The following KLHL22 variants were observed in gnomAD, a reference collection of about 807,000 sequenced individuals.
KLHL22 encodes the protein kelch like family member 22.
KLHL22 carries 18 observed loss-of-function variants against 60.7 expected under a neutral mutation model. The ratio of observed to expected loss-of-function variants is 0.30; its 90% CI spans 0.20 to 0.44. The LOEUF is 0.44. KLHL22 is among the 20% of genes least tolerant of loss of function. KLHL22 has a pLI of 1.00. For missense variants in KLHL22, 596 were observed against 852.3 expected (o/e 0.70, Z 3.74); for synonymous variants, 355 against 354.5 (o/e 1.00, Z -0.01).
chr22:20,467,888 G>A (rs2053259910), intron 3 of KLHL22, among the ~76,000 whole-genome samples: 1 of 152,210 alleles, frequency 6.6e-6, no homozygotes, highest in Admixed American at 6.5e-5. Flanking sequence ...TCGATCTCCT[G>A]ACCTCGTGAT....
intron 2 of KLHL22, chr22:20,483,620 C>G (rs576259879): frequency 2.8e-6 from 2 of 726,324 alleles, no homozygotes; most frequent in South Asian, 2.7e-5. Flanking sequence ...ACTCTAAAGT[C>G]ATCAGCAGCA....
intron 5 of KLHL22, among the ~76,000 whole-genome samples, chr22:20,449,501 A>G (rs980879371): frequency 6.6e-6 from 1 of 151,436 alleles, no homozygotes; most frequent in Non-Finnish European, 1.5e-5. Flanking sequence ...CCCAGGTTCA[A>G]GCAATTCTCC....
intron 1 of KLHL22, among the ~76,000 whole-genome samples, chr22:20,490,269 C>T (rs953697491): frequency 6.6e-6 from 1 of 152,232 alleles, no homozygotes; most frequent in African/African-American, 2.4e-5. Flanking sequence ...GTTGGGGATA[C>T]ATTCTGAGAC....
At chr22:20,447,804 G>A (rs1275079933) in intron 5 of KLHL22, among the ~76,000 whole-genome samples, 2 of 152,190 alleles carry the variant, frequency 1.3e-5, no homozygotes, top group Non-Finnish European at 2.9e-5. Flanking sequence ...GCCTTCCAAA[G>A]TGCTAGGATT....
In KLHL22 at chr22:20,459,422, G is replaced by A. The variant is rs536565964; in HGVS notation, c.1113-1422C>T. 3.3e-5 allele frequency among the ~76,000 whole-genome samples: 5 copies of A among 152,316 alleles called. No homozygotes were observed. The East Asian group carries it at 5.8e-4, about 18-fold the overall frequency. On this transcript the variant is annotated intron_variant, in intron 4 of 6. Coordinates refer to ENST00000328879, the MANE Select transcript of KLHL22 (RefSeq NM_032775.4). ...ACACACACCTGGGTCTCCCTGACCT[G>A]GTGTGAATCCTGGGCTCTTCCCTGT...
intron 5 of KLHL22, chr22:20,450,277 C>T: frequency 1.0e-6 from 1 of 968,946 alleles, no homozygotes; most frequent in Non-Finnish European, 1.7e-6. Flanking sequence ...GTGCTGGCTG[C>T]CTGTAGTGAT....
chr22:20,445,628 G>A (rs890332965), intron 6 of KLHL22, among the ~76,000 whole-genome samples: 2 of 152,172 alleles, frequency 1.3e-5, no homozygotes, highest in African/African-American at 4.8e-5. Flanking sequence ...TGTCACCTAG[G>A]CTGGGGAACA....
chr22:20,445,909 A>G (rs769541156), intron 6 of KLHL22, among the ~76,000 whole-genome samples: 14 of 152,154 alleles, frequency 9.2e-5, no homozygotes, highest in Non-Finnish European at 2.1e-4. Flanking sequence ...GAGTACAGGC[A>G]TGCAACCACA....
intron 4 of KLHL22, among the ~76,000 whole-genome samples, chr22:20,461,550 C>CAAAAAAAAAAAAAAAAAAAAAAAAT: frequency 1.5e-5 from 1 of 64,770 alleles, no homozygotes; most frequent in Non-Finnish European, 2.7e-5. Flanking sequence ...GACTCCAACT[C>CAAAAAAAAAAAAAAAAAAAAAAAAT]AAAAAAAAAA....
intron 3 of KLHL22, among the ~76,000 whole-genome samples, chr22:20,466,562 C>T (rs181600540): frequency 6.6e-4 from 100 of 152,212 alleles, no homozygotes; most frequent in Non-Finnish European, 1.2e-3. Context: ...CTGGCTTTTT[C>T]CCCCGCCAGA....
At chr22:20,473,351 T>C (rs1478570046) in intron 2 of KLHL22, among the ~76,000 whole-genome samples, 1 of 152,130 alleles carries the variant, frequency 6.6e-6, no homozygotes, top group Non-Finnish European at 1.5e-5. Context: ...GACCCTTTAC[T>C]GATGGAAGAA....
chr22:20,458,762 C>T (rs1416106554), intron 4 of KLHL22, among the ~76,000 whole-genome samples: 1 of 152,118 alleles, frequency 6.6e-6, no homozygotes, highest in Non-Finnish European at 1.5e-5. Context: ...AACAGCCGCA[C>T]ACACAAGGCT....
chr22:20,456,951 C>T (rs868710736), intron 5 of KLHL22, among the ~76,000 whole-genome samples: 2 of 152,170 alleles, frequency 1.3e-5, no homozygotes, highest in African/African-American at 4.8e-5. Context: ...CTCAGGTGCT[C>T]GGTTATCCCC....
At chr22:20,445,366 C>T (rs1333096454) in intron 6 of KLHL22, among the ~76,000 whole-genome samples, 1 of 151,902 alleles carries the variant, frequency 6.6e-6, no homozygotes, top group Non-Finnish European at 1.5e-5. Flanking sequence ...CATCACCGCA[C>T]CTGGCTAATT....
At chr22:20,450,841 A>G (rs990871064) in intron 5 of KLHL22, 58 of 1,589,870 alleles carry the variant, frequency 3.6e-5, no homozygotes, top group Non-Finnish European at 4.9e-5. Context: ...TGAGCCTTTC[A>G]TCCACTATGG....
chr22:20,451,198 T>A (rs2052972004), intron 5 of KLHL22: 1 of 1,598,264 alleles, frequency 6.3e-7, no homozygotes, highest in Admixed American at 1.7e-5. Context: ...GGTCTGGTAT[T>A]CTGTGGCCCC....
Position 20,451,335 on chromosome 22 carries a change from G to A in KLHL22, c.1306-4659C>T, listed in dbSNP as rs554604312. 3.5e-4 allele frequency: 567 copies of A among 1,611,170 alleles called. 1 individual carries two copies. The highest frequency in any genetic ancestry group is 9.9e-4 in the Middle Eastern group (6 of 6,082). ...GGTATGATCCAAACATTGACCAGAG[G>A]AGCATGCTGGGAGATATGCAGACAG... On this transcript the variant is annotated intron_variant, in intron 5 of 6. Coordinates refer to ENST00000328879, the MANE Select transcript of KLHL22 (RefSeq NM_032775.4).
At chr22:20,470,926 A>G (rs551575984) in intron 3 of KLHL22, among the ~76,000 whole-genome samples, 3 of 152,360 alleles carry the variant, frequency 2.0e-5, no homozygotes, top group Admixed American at 6.5e-5. Context: ...AACAAAACAC[A>G]TAAGTTTTCA....
intron 4 of KLHL22, among the ~76,000 whole-genome samples, chr22:20,462,365 T>C (rs1254393198): frequency 6.6e-6 from 1 of 151,866 alleles, no homozygotes; most frequent in Non-Finnish European, 1.5e-5. Context: ...TTTAAAAAAT[T>C]TTTTTTAGAG....
Sources: gnomAD v4.1 joint callset for allele counts (sites outside exome capture counted in the v4.1 genomes callset) on GRCh38, gnomAD v4.1.1 for gene constraint, MANE v1.5 for transcripts, NCBI Gene and HGNC (gene_info 2026-07-23, HGNC 2026-07-21) for gene names.